The following SECTM1 variants were observed in gnomAD, a reference collection of about 807,000 sequenced individuals.
SECTM1 encodes the protein secreted and transmembrane protein 1.
SECTM1 carries 10 observed loss-of-function variants against 18.1 expected under a neutral mutation model. The ratio of observed to expected loss-of-function variants is 0.55; its 90% CI spans 0.34 to 0.94. The LOEUF (loss-of-function observed/expected upper bound fraction) is 0.94. Among genes scored for constraint, SECTM1 ranks in the 40% least tolerant of loss-of-function variants. The pLI, the probability that SECTM1 is intolerant of heterozygous loss-of-function variation, is 0.02. For synonymous variants in SECTM1, 137 were observed against 139.2 expected (o/e 0.98, Z 0.11); for missense variants, 297 against 322.6 (o/e 0.92, Z 0.61).
intron 3 of SECTM1, among the ~76,000 whole-genome samples, chr17:82,324,228 G>A (rs572464293): frequency 6.6e-6 from 1 of 152,108 alleles, no homozygotes; most frequent in Admixed American, 6.5e-5. Context: ...GCTGCAGGGT[G>A]CAGCCCCCAC....
In SECTM1 at chr17:82,328,843, T is replaced by TA. The variant is rs2052169408; in HGVS notation, c.-52-1552dup. On this transcript the variant is annotated intron_variant, in intron 1 of 4. Transcript: ENST00000269389. The surrounding 1 kb of genome is among the most constrained non-coding windows in gnomAD (Gnocchi z 5.8). ...GCCTCTCGGGTGCCTGCACCCCTGC[T>TA]AGGAAAAGTCCCTAGGTAGGGCGGC... 6.6e-6 allele frequency among the ~76,000 whole-genome samples: 1 copy of TA among 152,076 alleles called. No individual in the cohort carries two copies. The highest frequency in any genetic ancestry group is 1.5e-5 in the Non-Finnish European group (1 of 67,992).
At chr17:82,331,942 C>T (rs971456768) in intron 1 of SECTM1, among the ~76,000 whole-genome samples, 3 of 152,126 alleles carry the variant, frequency 2.0e-5, no homozygotes, top group Non-Finnish European at 2.9e-5. Flanking sequence ...GAGTTTGAGA[C>T]CAGTCTGAAC....
chr17:82,322,676 C>T (rs899001204), intron 4 of SECTM1, among the ~76,000 whole-genome samples: 141 of 142,472 alleles, frequency 9.9e-4, no homozygotes, highest in African/African-American at 3.4e-3. Flanking sequence ...AAGGGCAGGG[C>T]GGGTCTGGGT....
chr17:82,322,435 G>A (rs972231859), intron 4 of SECTM1, 65 bp from the exon 5 acceptor site: 4 of 1,494,388 alleles, frequency 2.7e-6, no homozygotes, highest in Non-Finnish European at 3.7e-6. Flanking sequence ...CTCTGCCCTG[G>A]GGCGTGCGTT....
intron 1 of SECTM1, among the ~76,000 whole-genome samples, chr17:82,327,825 G>C (rs541970241): frequency 1.3e-5 from 2 of 152,030 alleles, no homozygotes; most frequent in African/African-American, 4.8e-5. Flanking sequence ...CGTGGGTCCT[G>C]TCCAGACCTC....
At chr17:82,331,261 G>T (rs148372928) in intron 1 of SECTM1, among the ~76,000 whole-genome samples, 81 of 152,312 alleles carry the variant, frequency 5.3e-4, no homozygotes, top group African/African-American at 1.9e-3. Flanking sequence ...AAGGGCTCAG[G>T]GGGTAGGGAG....
intron 1 of SECTM1, 85 bp downstream of exon 1, chr17:82,333,615 T>TCCCCAGCACCGGGCCCCCAGCACCGAGA (rs1555605861): frequency 6.5e-6 from 1 of 154,882 alleles, no homozygotes; most frequent in Non-Finnish European, 1.3e-5. Context: ...CAGCACCGAG[T>TCCCCAGCACCGGGCCCCCAGCACCGAGA]CCCCAGCACC....
intron 4 of SECTM1, 46 bp from the exon 5 acceptor site, chr17:82,322,416 T>A: frequency 6.4e-7 from 1 of 1,569,522 alleles, no homozygotes; most frequent in Non-Finnish European, 8.8e-7. Context: ...CGCGCCCCCG[T>A]GCCCACAGCT....
rs978851272 is a variant in SECTM1, at chr17:82,325,179, A to C, written c.95-289T>G. On this transcript the variant is annotated intron_variant, in intron 2 of 4. Transcript: ENST00000269389. This position sits in a 1 kb window ranked among gnomAD's most constrained non-coding sequence, Gnocchi z 7.6. ...GCTTGGACGAAGGCATTTCCTATCA[A>C]CTCCCTCCCCTGTATATTTCCACTG... 4.6e-5 allele frequency among the ~76,000 whole-genome samples: 7 copies of C among 151,432 alleles called. No homozygotes were observed. The highest frequency in any genetic ancestry group is 8.8e-5 in the Non-Finnish European group (6 of 67,838).
chr17:82,327,435 CTCCT>C, intron 1 of SECTM1, 143 bp from the exon 2 acceptor site: 1 of 582,728 alleles, frequency 1.7e-6, no homozygotes, highest in Non-Finnish European at 3.1e-6. Flanking sequence ...AGCCCCTGCC[CTCCT>C]TCCCTTCCCT....
rs186621094 is a variant in SECTM1 at position 82,328,907 on chromosome 17, A to G, written c.-52-1615T>C. Among the ~76,000 whole-genome samples the G allele has an allele frequency of 3.2e-3, 484 of 152,302 alleles. 10 individuals carry two copies. Among genetic ancestry groups the G allele is most frequent in the Non-Finnish European group, 4.1e-3 (280 of 68,010 alleles). ...CCTCTCCCAGCTCCCAGTGCAGCCC[A>G]CACGCCGGAGTGCAGATGACCTGCA... is the stretch of plus-strand genomic sequence containing the variant. On this transcript the variant is annotated intron_variant, in intron 1 of 4. Coordinates refer to ENST00000269389, the MANE Select transcript of SECTM1 (RefSeq NM_003004.3). This position sits in a 1 kb window ranked among gnomAD's most constrained non-coding sequence, Gnocchi z 5.8.
At position 82,321,323 on chromosome 17, in the gene SECTM1, C is replaced by T. The variant is rs1407731065; in HGVS notation, c.*838G>A. On this transcript the variant is annotated 3_prime_UTR_variant, in exon 5 of 5. Transcript: ENST00000269389. ...GGAGGTTTGTGAGTCGGTTTGTTTT[C>T]TTCATTTCAGATATTCGAGTCATGG... 1 of 152,136 alleles carries T rather than the reference C, an allele frequency of 6.6e-6. No individual in the cohort carries two copies. The highest frequency in any genetic ancestry group is 2.4e-5 in the African/African-American group (1 of 41,448). The allele number at this position is 152,136 out of a possible 1,614,324, so 9.4% of individuals were successfully genotyped here. A position where few individuals can be genotyped will look rare whatever the true frequency, so the allele number is the denominator to read the frequency against.
chr17:82,326,954 C>A lies in SECTM1; in HGVS notation c.94+193G>T, dbSNP rs771006389. ...CCCACTCACCACCACCCTCCACCCA[C>A]GGCGGGACACGGTCCACTCACCGCC... On this transcript the variant is annotated intron_variant, in intron 2 of 4. Transcript: ENST00000269389. This position sits in a 1 kb window ranked among gnomAD's most constrained non-coding sequence, Gnocchi z 4.3. 1.4e-5 allele frequency among the ~76,000 whole-genome samples: 2 copies of A among 138,388 alleles called. No individual in the cohort carries two copies. The highest frequency in any genetic ancestry group is 2.1e-4 in the South Asian group (1 of 4,702). The allele number at this position is 138,388 out of a possible 152,430, so 90.8% of individuals were successfully genotyped here.
At position 82,325,017 on chromosome 17, in the gene SECTM1, C is replaced by T. The variant is rs2052134016; in HGVS notation, c.95-127G>A. The T allele has an allele frequency of 8.8e-6, 7 of 797,516 alleles. No individual in the cohort carries two copies. The South Asian group carries it at 1.1e-4, about 12-fold the overall frequency. The allele number at this position is 797,516 out of a possible 1,614,324, so 49.4% of individuals were successfully genotyped here. A position where few individuals can be genotyped will look rare whatever the true frequency, so the allele number is the denominator to read the frequency against. On this transcript the variant is annotated intron_variant, in intron 2 of 4. Transcript: ENST00000269389. This position sits in a 1 kb window ranked among gnomAD's most constrained non-coding sequence, Gnocchi z 7.6. Reference sequence around the variant, plus strand: ...TAAGGGACACAGTGAACTATGTATACATCCACCCGACCCAATCAGCACATA... The same window carrying T: ...TAAGGGACACAGTGAACTATGTATATATCCACCCGACCCAATCAGCACATA...
rs1372470862 is a variant in SECTM1, at chr17:82,322,088, G to A, written c.*73C>T. On this transcript the variant is annotated 3_prime_UTR_variant, in exon 5 of 5. Transcript: ENST00000269389. ...TGTCTGTGCCCTCCGGGTGGGACGA[G>A]AGACCCAGGCCCCGCCACCCAAGGT... The A allele has an allele frequency of 9.4e-6, 14 of 1,485,358 alleles. No individual in the cohort carries two copies. The highest frequency in any genetic ancestry group is 1.3e-5 in the Non-Finnish European group (14 of 1,069,858). 92.0% of individuals were successfully genotyped at this position (1,485,358 alleles called of 1,614,324 possible). A position where few individuals can be genotyped will look rare whatever the true frequency, so the allele number is the denominator to read the frequency against.
rs1418047200 is a variant in SECTM1 at position 82,329,345 on chromosome 17, C to T, written c.-52-2053G>A. 2 of 152,352 alleles carry T rather than the reference C, an allele frequency of 1.3e-5. No individual in the cohort carries two copies. The highest frequency in any genetic ancestry group is 6.5e-5 in the Admixed American group (1 of 15,286). The allele number at this position is 152,352 out of a possible 1,614,324, so 9.4% of individuals were successfully genotyped here. On this transcript the variant is annotated intron_variant, in intron 1 of 4. Transcript: ENST00000269389. The surrounding 1 kb of genome is among the most constrained non-coding windows in gnomAD (Gnocchi z 7.6). ...TCACTGCTGGGAGGCACGTCACCAA[C>T]CCCGAGGTGCTGCTGAGGCTCAGGG...
In SECTM1 at chr17:82,328,044, C is replaced by G. The variant is rs2052162562; in HGVS notation, c.-52-752G>C. 1 of 151,996 alleles carries G rather than the reference C, an allele frequency of 6.6e-6. No individual in the cohort carries two copies. Among genetic ancestry groups the G allele is most frequent in the East Asian group, 1.9e-4 (1 of 5,138 alleles). 9.4% of individuals were successfully genotyped at this position (151,996 alleles called of 1,614,324 possible). On this transcript the variant is annotated intron_variant, in intron 1 of 4. Coordinates refer to ENST00000269389, the MANE Select transcript of SECTM1 (RefSeq NM_003004.3). The surrounding 1 kb of genome is among the most constrained non-coding windows in gnomAD (Gnocchi z 5.8). ...CCACCACCCTGCCCGTCCACCAGCC[C>G]CCCTCCCGGGGCAGCACTCAGTTGC...
intron 2 of SECTM1, 42 bp from the exon 3 acceptor site, chr17:82,324,932 C>T: frequency 1.3e-6 from 2 of 1,565,404 alleles, no homozygotes; most frequent in Admixed American, 3.6e-5. Context: ...AGGGCTGGAC[C>T]TCAGGGCATT....
intron 3 of SECTM1, among the ~76,000 whole-genome samples, chr17:82,324,260 C>G (rs1265967167): frequency 3.3e-5 from 5 of 150,994 alleles, no homozygotes; most frequent in Admixed American, 1.3e-4. Flanking sequence ...AGACTGGGCT[C>G]CTTTGAGGAG....
Sources: allele counts gnomAD v4.1 joint callset (sites outside exome capture counted in the v4.1 genomes callset), GRCh38; gene constraint gnomAD v4.1.1; non-coding constraint Gnocchi (gnomAD v3.1); transcripts MANE v1.5; gene names NCBI Gene and HGNC (gene_info 2026-07-23, HGNC 2026-07-21).